Variants in SDK1 observed in about 807,000 individuals in gnomAD.
SDK1 encodes the protein protein sidekick-1.
A neutral mutation model predicts 245.5 loss-of-function variants in SDK1; 157 were observed. The ratio of observed to expected loss-of-function variants is 0.64; its 90% confidence interval spans 0.56 to 0.73. SDK1 has a LOEUF of 0.73. Ranked by LOEUF, SDK1 falls within the 30% of genes least tolerant of loss-of-function variation. The pLI, the probability that SDK1 is intolerant of heterozygous loss-of-function variation, is 0.00. For missense variants in SDK1, 3,583 were observed against 3,002.3 expected, an observed-to-expected ratio of 1.19 and a Z score of -4.52; for synonymous variants, 1,647 against 1,278.5, an observed-to-expected ratio of 1.29 and a Z score of -6.15.
intron 5 of SDK1, among the ~76,000 whole-genome samples, chr7:3,871,046 C>G (rs1206862278): frequency 1.3e-5 from 2 of 152,152 alleles, no homozygotes; most frequent in African/African-American, 2.4e-5. Flanking sequence ...TGCTGTACCT[C>G]TCTGTTTATT....
chr7:3,379,752 C>A (rs898791979), intron 1 of SDK1, among the ~76,000 whole-genome samples: 2 of 152,118 alleles, frequency 1.3e-5, no homozygotes, highest in Admixed American at 6.5e-5. Flanking sequence ...TAGACACATA[C>A]ATACATATAG....
chr7:3,859,070 G>A (rs1462573943), intron 5 of SDK1, among the ~76,000 whole-genome samples: 2 of 151,636 alleles, frequency 1.3e-5, no homozygotes, highest in African/African-American at 2.4e-5. Flanking sequence ...CACTGTGTTA[G>A]CCAGGATGGT....
intron 5 of SDK1, among the ~76,000 whole-genome samples, chr7:3,881,509 G>T (rs1373768505): frequency 6.6e-6 from 1 of 152,148 alleles, no homozygotes; most frequent in Admixed American, 6.5e-5. Context: ...ATCATTGATG[G>T]ACATTTGGGT....
intron 18 of SDK1, among the ~76,000 whole-genome samples, chr7:4,051,120 TATACATA>T: frequency 1.4e-5 from 2 of 139,590 alleles, no homozygotes; most frequent in African/African-American, 2.7e-5. Flanking sequence ...ATGTATAATA[TATACATA>T]TTATATATAA....
At chr7:3,415,428 CAAT>C (rs1435857026) in intron 1 of SDK1, among the ~76,000 whole-genome samples, 4 of 151,780 alleles carry the variant, frequency 2.6e-5, no homozygotes, top group African/African-American at 9.7e-5. Flanking sequence ...AGATAAAAAA[CAAT>C]GAGAGGTAGG....
chr7:3,670,146 T>G lies in SDK1; in HGVS notation c.713+28041T>G, dbSNP rs564515041. ...CTTGTTTCCCTATGTTTATTTTGTCTTCTCTCTCCATTCCCCATGCTGTGG... is the reference window on the plus strand; with the variant it reads ...CTTGTTTCCCTATGTTTATTTTGTCGTCTCTCTCCATTCCCCATGCTGTGG... On this transcript the variant is annotated intron_variant, in intron 4 of 44. Coordinates refer to ENST00000404826, the MANE Select transcript of SDK1 (RefSeq NM_152744.4). 2.6e-5 allele frequency among the ~76,000 whole-genome samples: 4 copies of G among 152,324 alleles called. No individual in the cohort carries two copies. In the South Asian group the frequency reaches 8.3e-4, roughly 32 times the overall value.
rs185192783 is a variant in SDK1, at chr7:3,579,198, T to C, written c.299-39882T>C. On this transcript the variant is annotated intron_variant, in intron 1 of 44. Coordinates refer to ENST00000404826, the MANE Select transcript of SDK1 (RefSeq NM_152744.4). ...CAAGTCATTCTATAAGGCAGCATCA[T>C]CCTGATAGCAAAACCTGGCAGAGAT... 2.5e-3 allele frequency among the ~76,000 whole-genome samples: 374 copies of C among 150,974 alleles called. 8 individuals are homozygous for C. The highest frequency in any genetic ancestry group is 0.018 in the South Asian group (86 of 4,800).
intron 1 of SDK1, among the ~76,000 whole-genome samples, chr7:3,457,481 G>A (rs543166641): frequency 6.6e-6 from 1 of 152,186 alleles, no homozygotes; most frequent in Admixed American, 6.5e-5. Flanking sequence ...TCATAATGTG[G>A]TGTGTACATC....
intron 23 of SDK1, 45 bp downstream of exon 23, chr7:4,110,817 GC>G: frequency 7.3e-7 from 1 of 1,369,342 alleles, no homozygotes; most frequent in Non-Finnish European, 1.0e-6. Context: ...AACACTGGCA[GC>G]CCAGGCAGGT....
At chr7:3,500,822 T>C (rs1417664932) in intron 1 of SDK1, among the ~76,000 whole-genome samples, 3 of 152,050 alleles carry the variant, frequency 2.0e-5, no homozygotes, top group African/African-American at 7.2e-5. Flanking sequence ...ATGTTTTTTT[T>C]CATTTTTTAT....
intron 29 of SDK1, among the ~76,000 whole-genome samples, chr7:4,146,446 T>C (rs1779989877): frequency 6.7e-6 from 1 of 148,418 alleles, no homozygotes; most frequent in Non-Finnish European, 1.5e-5. Context: ...CATGTGAGCA[T>C]TGCATAACAC....
At chr7:3,696,936 G>T (rs567396029) in intron 4 of SDK1, among the ~76,000 whole-genome samples, 3 of 151,618 alleles carry the variant, frequency 2.0e-5, no homozygotes, top group African/African-American at 7.3e-5. Context: ...TAAGTAATAC[G>T]GTTTATGGAA....
At chr7:4,075,907 C>G (rs1032128797) in intron 20 of SDK1, among the ~76,000 whole-genome samples, 4 of 152,114 alleles carry the variant, frequency 2.6e-5, no homozygotes, top group African/African-American at 9.7e-5. Context: ...CCCGCCTTGG[C>G]CTCCCCAAGT....
intron 1 of SDK1, among the ~76,000 whole-genome samples, chr7:3,486,108 C>G (rs975707402): frequency 1.6e-4 from 24 of 151,914 alleles, no homozygotes; most frequent in Admixed American, 2.6e-4. Context: ...TAAATTATTA[C>G]CTGTAATTTT....
chr7:3,358,391 G>A (rs946304250), intron 1 of SDK1, among the ~76,000 whole-genome samples: 2 of 151,360 alleles, frequency 1.3e-5, no homozygotes, highest in African/African-American at 4.9e-5. Context: ...GTTTTAATGA[G>A]GGGCAAATAT....
intron 1 of SDK1, among the ~76,000 whole-genome samples, chr7:3,311,399 A>G (rs201142800): frequency 6.6e-6 from 1 of 152,132 alleles, no homozygotes; most frequent in African/African-American, 2.4e-5. Context: ...TTCTAGGAGT[A>G]TAAAGTAGAT....
rs771947946 is a variant in SDK1 at position 4,265,213 on chromosome 7, G to A, written c.6471G>A (p.Lys2157=). The change falls in exon 45 of 45, where the codon AAG becomes AAA. Residue 2157 remains lysine (K), a synonymous_variant. Transcript: ENST00000404826. The stretch of plus-strand genomic sequence containing the variant: ...ACCCCACCTACTACAACTCATGGAA[G>A]CGCAGGGCCCAGGGCCGCGCACCTG... The part of the protein sequence containing the change: ...MSDPTYYNSW[K]RRAQGRAPAP... The A allele has an allele frequency of 1.9e-6, 3 of 1,610,850 alleles. No individual in the cohort carries two copies. The highest frequency in any genetic ancestry group is 3.3e-5 in the Admixed American group (2 of 59,974).
intron 32 of SDK1, 68 bp from the exon 33 acceptor site, chr7:4,174,154 T>C: frequency 6.4e-7 from 1 of 1,568,260 alleles, no homozygotes; most frequent in South Asian, 1.1e-5. Flanking sequence ...GGGGTGGAGG[T>C]GAGCCCTGCT....
At chr7:3,638,327 G>T (rs371828563) in intron 2 of SDK1, among the ~76,000 whole-genome samples, 6 of 152,042 alleles carry the variant, frequency 3.9e-5, no homozygotes, top group Non-Finnish European at 8.8e-5. Context: ...ATAAAGACAC[G>T]TGCACACGTA....
Sources: allele counts gnomAD v4.1 joint callset (sites outside exome capture counted in the v4.1 genomes callset), GRCh38; gene constraint gnomAD v4.1.1; transcripts MANE v1.5; gene names NCBI Gene and HGNC (gene_info 2026-07-23, HGNC 2026-07-21).